The following TEAD1 variants were observed in gnomAD, a reference collection of about 807,000 sequenced individuals.
TEAD1 encodes the protein TEA domain transcription factor 1.
In TEAD1, 9 loss-of-function variants were observed where a neutral mutation model predicts 54.9. The ratio of observed to expected loss-of-function variants is 0.16; its 90% CI spans 0.10 to 0.29. TEAD1 has a LOEUF of 0.29. Among genes scored for constraint, TEAD1 ranks in the 10% least tolerant of loss-of-function variants. TEAD1 has a pLI of 1.00. For missense variants in TEAD1, 387 were observed against 535.9 expected (o/e 0.72, Z 2.74); for synonymous variants, 200 against 187.8 (o/e 1.07, Z -0.53).
chr11:12,901,007 T>G (rs1184135221), intron 9 of TEAD1, among the ~76,000 whole-genome samples: 1 of 152,206 alleles, frequency 6.6e-6, no homozygotes, highest in Non-Finnish European at 1.5e-5. Context: ...TGGTCTCAAA[T>G]TTGGCTGTGT....
chr11:12,738,948 T>TA (rs1414033576), intron 2 of TEAD1, among the ~76,000 whole-genome samples: 2 of 152,138 alleles, frequency 1.3e-5, no homozygotes, highest in South Asian at 4.1e-4. Flanking sequence ...GGTGCTCTGA[T>TA]ATAAGGGCAT....
At chr11:12,907,550 C>G (rs1430418132) in intron 10 of TEAD1, among the ~76,000 whole-genome samples, 1 of 152,010 alleles carries the variant, frequency 6.6e-6, no homozygotes, top group Non-Finnish European at 1.5e-5. Flanking sequence ...AATTCTACAG[C>G]GTATTTAATT....
chr11:12,804,524 C>T (rs949428984), intron 3 of TEAD1, among the ~76,000 whole-genome samples: 2 of 152,220 alleles, frequency 1.3e-5, no homozygotes, highest in Non-Finnish European at 2.9e-5. Flanking sequence ...TGAACTGCCC[C>T]TTAGTTAATA....
At chr11:12,722,117 G>T (rs1458128050) in intron 2 of TEAD1, among the ~76,000 whole-genome samples, 1 of 152,186 alleles carries the variant, frequency 6.6e-6, no homozygotes, top group Non-Finnish European at 1.5e-5. Flanking sequence ...ATTCACACCA[G>T]GCTGGAAGAA....
At chr11:12,840,745 A>G (rs745819642) in intron 3 of TEAD1, among the ~76,000 whole-genome samples, 1 of 152,172 alleles carries the variant, frequency 6.6e-6, no homozygotes, top group Non-Finnish European at 1.5e-5. Flanking sequence ...TAGACTTCAT[A>G]GGGAAGTTTA....
chr11:12,780,368 C>T (rs958437038), intron 3 of TEAD1, among the ~76,000 whole-genome samples: 9 of 151,848 alleles, frequency 5.9e-5, no homozygotes, highest in Non-Finnish European at 8.8e-5. Flanking sequence ...CTCAGCCTCC[C>T]GAGTAACTGG....
At chr11:12,765,528 T>C (rs1379922880) in intron 3 of TEAD1, among the ~76,000 whole-genome samples, 1 of 152,160 alleles carries the variant, frequency 6.6e-6, no homozygotes, top group Admixed American at 6.5e-5. Context: ...CCTTTAATAC[T>C]GCACTTCCTC....
At chr11:12,791,580 G>T (rs1190979940) in intron 3 of TEAD1, among the ~76,000 whole-genome samples, 1 of 152,118 alleles carries the variant, frequency 6.6e-6, no homozygotes, top group African/African-American at 2.4e-5. Flanking sequence ...ACTAGTGATG[G>T]GTTGCAGGTG....
intron 7 of TEAD1, among the ~76,000 whole-genome samples, chr11:12,881,258 C>T (rs1399774691): frequency 6.6e-6 from 1 of 152,122 alleles, no homozygotes; most frequent in African/African-American, 2.4e-5. Flanking sequence ...GTGGAAGCAC[C>T]CCATTCCCAC....
chr11:12,873,550 A>G, intron 5 of TEAD1, among the ~76,000 whole-genome samples: 1 of 152,248 alleles, frequency 6.6e-6, no homozygotes, highest in Non-Finnish European at 1.5e-5. Flanking sequence ...GGCATTTGGA[A>G]ATACAATAAA....
At chr11:12,874,623 G>T (rs1947818128) in intron 5 of TEAD1, among the ~76,000 whole-genome samples, 1 of 152,188 alleles carries the variant, frequency 6.6e-6, no homozygotes, top group Non-Finnish European at 1.5e-5. Context: ...GAGGCAGCGA[G>T]ACCATTGAGT....
At chr11:12,927,785 T>C (rs986563013) in intron 11 of TEAD1, among the ~76,000 whole-genome samples, 4 of 152,112 alleles carry the variant, frequency 2.6e-5, no homozygotes, top group Non-Finnish European at 5.9e-5. Context: ...TGTTGTAATT[T>C]CCTGTTTCTA....
At chr11:12,807,959 TGCTTATCC>T (rs931491295) in intron 3 of TEAD1, among the ~76,000 whole-genome samples, 7 of 152,196 alleles carry the variant, frequency 4.6e-5, no homozygotes, top group African/African-American at 1.4e-4. Flanking sequence ...TGTAATTTGT[TGCTTATCC>T]GCAAAGTGGT....
intron 3 of TEAD1, among the ~76,000 whole-genome samples, chr11:12,813,636 C>T (rs908865837): frequency 6.6e-6 from 1 of 152,220 alleles, no homozygotes; most frequent in African/African-American, 2.4e-5. Context: ...GTGTGAGCTA[C>T]TTAATTTCTC....
intron 10 of TEAD1, among the ~76,000 whole-genome samples, chr11:12,915,280 G>A (rs923237372): frequency 8.5e-5 from 13 of 152,114 alleles, no homozygotes; most frequent in African/African-American, 3.1e-4. Flanking sequence ...CTGCCACCGC[G>A]TGAGCTGCTC....
intron 3 of TEAD1, among the ~76,000 whole-genome samples, chr11:12,780,263 G>T (rs1395326608): frequency 4.2e-4 from 57 of 136,640 alleles, no homozygotes; most frequent in African/African-American, 1.4e-3. Flanking sequence ...TTTTTTTTGA[G>T]ATGGAGTTTC....
intron 9 of TEAD1, among the ~76,000 whole-genome samples, chr11:12,889,180 C>G (rs185601382): frequency 2.6e-5 from 4 of 152,318 alleles, no homozygotes; most frequent in Admixed American, 2.0e-4. Flanking sequence ...ATCAAAGGAT[C>G]TCAAGTGTTA....
intron 3 of TEAD1, among the ~76,000 whole-genome samples, chr11:12,765,204 G>C (rs1288692226): frequency 2.0e-5 from 3 of 152,140 alleles, no homozygotes; most frequent in African/African-American, 7.2e-5. Flanking sequence ...CCACCTGCCG[G>C]TCTGGGGCTT....
At chr11:12,765,272 C>T (rs1046694771) in intron 3 of TEAD1, among the ~76,000 whole-genome samples, 3 of 152,154 alleles carry the variant, frequency 2.0e-5, no homozygotes, top group African/African-American at 2.4e-5. Flanking sequence ...AGCTGCAGAC[C>T]TGTACTTTTT....
Sources: allele counts gnomAD v4.1 joint callset (sites outside exome capture counted in the v4.1 genomes callset), GRCh38; gene constraint gnomAD v4.1.1; transcripts MANE v1.5; gene names NCBI Gene and HGNC (gene_info 2026-07-23, HGNC 2026-07-21).